The following ATP13A1 variants were observed in gnomAD, a reference collection of about 807,000 sequenced individuals.
ATP13A1 encodes ATPase 13A1, also known as endoplasmic reticulum transmembrane helix translocase.
A neutral mutation model predicts 134.8 loss-of-function variants in ATP13A1; 55 were observed. The ratio of observed to expected loss-of-function variants is 0.41; its 90% confidence interval spans 0.33 to 0.51. The LOEUF is 0.51. ATP13A1 is among the 20% of genes least tolerant of loss of function. ATP13A1 has a pLI of 0.29. For missense variants in ATP13A1, 1,389 were observed against 1,652.8 expected (o/e 0.84, Z 2.77); for synonymous variants, 775 against 725.1 (o/e 1.07, Z -1.10).
intron 3 of ATP13A1, 51 bp from the exon 4 acceptor site, chr19:19,657,459 T>G: frequency 1.3e-6 from 2 of 1,520,538 alleles, no homozygotes. Flanking sequence ...CTCTGGGGTA[T>G]GGAGTCTCCA....
In ATP13A1 at chr19:19,647,094, T is replaced by C. The variant is rs1173200588; in HGVS notation, c.3105+35A>G. ...TATCAGCCTGGCCCTGGCAGGCCCA[T>C]GCATCCCTGGCCTTCCAGCACCTCT... On this transcript the variant is annotated intron_variant, in intron 22 of 25. Transcript: ENST00000357324. The surrounding 1 kb of genome is among the most constrained non-coding windows in gnomAD (Gnocchi z 4.8). 18 of 1,583,068 alleles carry C rather than the reference T, an allele frequency of 1.1e-5. No individual in the cohort carries two copies. The highest frequency in any genetic ancestry group is 1.4e-5 in the Non-Finnish European group (16 of 1,163,630).
chr19:19,651,476 A>G, intron 17 of ATP13A1: 1 of 458,314 alleles, frequency 2.2e-6, no homozygotes. Context: ...ATGGTAAATA[A>G]ACACCTACAT....
chr19:19,658,523 G>C (rs927791734), intron 3 of ATP13A1, among the ~76,000 whole-genome samples: 1 of 152,198 alleles, frequency 6.6e-6, no homozygotes, highest in African/African-American at 2.4e-5. Flanking sequence ...GATAGTTGTA[G>C]TCAACATATT....
chr19:19,646,742 GC>G (rs1199265699), intron 22 of ATP13A1: 5 of 377,314 alleles, frequency 1.3e-5, no homozygotes, highest in Admixed American at 4.1e-5. Flanking sequence ...CTGGCCGCTG[GC>G]CCCCCTGGTT....
chr19:19,663,254 C>T lies in ATP13A1; in HGVS notation c.396+17G>A, dbSNP rs1290255050. On this transcript the variant is annotated intron_variant, in intron 1 of 25. Transcript: ENST00000357324. Reference sequence around the variant, plus strand: ...GCTCGACCGTGCTGGGGGTCGGGCTCGCGTGTACACACTTACCGGGGTGCA... The same window carrying T: ...GCTCGACCGTGCTGGGGGTCGGGCTTGCGTGTACACACTTACCGGGGTGCA... 1.3e-6 allele frequency: 2 copies of T among 1,567,930 alleles called. No individual in the cohort carries two copies. The highest frequency in any genetic ancestry group is 1.4e-5 in the African/African-American group (1 of 73,532).
Position 19,653,992 on chromosome 19 carries a change from C to A in ATP13A1, c.1966G>T (p.Ala656Ser). 1.9e-6 allele frequency: 3 copies of A among 1,597,344 alleles called. No individual in the cohort carries two copies. Among genetic ancestry groups the A allele is most frequent in the Non-Finnish European group, 2.6e-6 (3 of 1,172,464 alleles). The change falls in exon 14 of 26, where the codon GCC (alanine) becomes TCC (serine). Residue 656 changes from alanine (A) to serine (S), a missense_variant. By Grantham distance (99) the Ala-to-Ser change is moderately conservative. This residue lies in a region of ATP13A1 where 747 missense variants were observed against 956.1 expected (regional missense o/e 0.78). Transcript: ENST00000357324. The surrounding 1 kb of genome is among the most constrained non-coding windows in gnomAD (Gnocchi z 4.2). ...ACCATGGAGTGCAGAGTTTCGGGGG[C>A]CCCCTTCACGGCCGCGATGTAGCAG... ...DLCYIAAVKGAPETLHSMFSQ... is the reference protein window; with the variant it reads ...DLCYIAAVKGSPETLHSMFSQ...
chr19:19,655,450 G>A lies in ATP13A1; in HGVS notation c.1400C>T (p.Thr467Ile). Residue 467 changes from threonine (T) to isoleucine (I), a missense_variant, in exon 11 of 26, where the codon ACC (threonine) becomes ATC (isoleucine). Transcript: ENST00000357324. The surrounding 1 kb of genome is among the most constrained non-coding windows in gnomAD (Gnocchi z 5.7). ...AAAAYVWIEG[T>I]KDPSRNRYKL... ...GTAGCGGTTCCGGCTGGGGTCCTTG[G>A]TACCTGTGGAGACAGGGCCTGCCAA... is the stretch of plus-strand genomic sequence containing the variant. 6.2e-7 allele frequency: 1 copy of A among 1,613,970 alleles called. No individual in the cohort carries two copies. The highest frequency in any genetic ancestry group is 8.5e-7 in the Non-Finnish European group (1 of 1,179,882).
At chr19:19,649,996 A>T (rs924296635) in intron 17 of ATP13A1, 56 bp from the exon 18 acceptor site, 1 of 1,464,520 alleles carries the variant, frequency 6.8e-7, no homozygotes, top group East Asian at 2.5e-5. Context: ...GCTCAGAAGC[A>T]CCCTCCCTCC....
intron 1 of ATP13A1, among the ~76,000 whole-genome samples, chr19:19,660,886 C>G (rs985189095): frequency 2.6e-5 from 4 of 151,552 alleles, no homozygotes; most frequent in African/African-American, 9.7e-5. Flanking sequence ...TGAGACCAGC[C>G]TGGCCAATAT....
chr19:19,651,814 C>G lies in ATP13A1; in HGVS notation c.2227-17G>C. On this transcript the variant is annotated splice_polypyrimidine_tract_variant and intron_variant, in intron 16 of 25. Transcript: ENST00000357324. ...CATGACCACCTTGGGTAAAGAGGGG[C>G]AGAGGCTCAGCATGGCACCCTGGGG... 1 of 1,599,972 alleles carries G rather than the reference C, an allele frequency of 6.3e-7. No homozygotes were observed.
In ATP13A1 at chr19:19,647,523, G is replaced by A. The variant is rs781186582; in HGVS notation, c.2799C>T (p.Arg933=). 1.9e-6 allele frequency: 3 copies of A among 1,612,900 alleles called. No individual in the cohort carries two copies. Among genetic ancestry groups the A allele is most frequent in the Non-Finnish European group, 2.5e-6 (3 of 1,179,434 alleles). Residue 933 remains arginine (R), a synonymous_variant, in exon 21 of 26, where the codon CGC becomes CGT. Transcript: ENST00000357324. This position sits in a 1 kb window ranked among gnomAD's most constrained non-coding sequence, Gnocchi z 4.8. ...CGAGGTCTCGCAGCACCTGGCTCAGGCGGTCCTGCAGGGTAGACAGCAGGC... is the reference window on the plus strand; with the variant it reads ...CGAGGTCTCGCAGCACCTGGCTCAGACGGTCCTGCAGGGTAGACAGCAGGC... The part of the protein sequence containing the change: ...SEEQPTSQRD[R]LSQVLRDLED...
intron 19 of ATP13A1, among the ~76,000 whole-genome samples, chr19:19,648,590 T>C (rs1192329890): frequency 6.7e-6 from 1 of 148,450 alleles, no homozygotes; most frequent in Non-Finnish European, 1.5e-5. Context: ...AGGCGCATCA[T>C]CTGAAGTCAG....
chr19:19,658,179 G>A (rs906638061), intron 3 of ATP13A1, among the ~76,000 whole-genome samples: 4 of 144,458 alleles, frequency 2.8e-5, no homozygotes, highest in African/African-American at 5.1e-5. Context: ...AAAAAGGCTC[G>A]AGAATGCAAG....
rs528906308 is a variant in ATP13A1, at chr19:19,653,476, T to A, written c.2100+308A>T. On this transcript the variant is annotated intron_variant, in intron 15 of 25. Transcript: ENST00000357324. The surrounding 1 kb of genome is among the most constrained non-coding windows in gnomAD (Gnocchi z 4.2). ...GAGGGTGGGCTTTGTGGAGGATGGA[T>A]GGGTGAGAGGGCTGAGGATGCCACC... 93 of 415,280 alleles carry A rather than the reference T, an allele frequency of 2.2e-4. No individual in the cohort carries two copies. Among genetic ancestry groups the A allele is most frequent in the Non-Finnish European group, 3.7e-4 (85 of 230,414 alleles). 25.7% of individuals were successfully genotyped at this position (415,280 alleles called of 1,614,324 possible).
chr19:19,655,554 G>A lies in ATP13A1; in HGVS notation c.1370C>T (p.Ala457Val). 6 of 1,614,022 alleles carry A rather than the reference G, an allele frequency of 3.7e-6. No individual in the cohort carries two copies. Among genetic ancestry groups the A allele is most frequent in the Non-Finnish European group, 4.2e-6 (5 of 1,179,894 alleles). ...FILFLLVFAI[A>V]AAAYVWIEGT... The stretch of plus-strand genomic sequence containing the variant: ...TTCAATCCATACATAGGCAGCTGCA[G>A]CGATGGCAAACACCAGGAGGAAGAG... Residue 457 changes from alanine to valine, a missense_variant, in exon 10 of 26, where the codon GCT becomes GTT. Physicochemically the swap from Ala to Val is moderately conservative, Grantham distance 64. Around this residue, in one of 4 missense-constraint regions of ATP13A1, gnomAD observed 747 missense variants for 956.1 expected, o/e 0.78. Coordinates refer to ENST00000357324, the MANE Select transcript of ATP13A1 (RefSeq NM_020410.3). The surrounding 1 kb of genome is among the most constrained non-coding windows in gnomAD (Gnocchi z 5.7).
At chr19:19,646,568 C>A (rs926607924) in intron 22 of ATP13A1, 1 of 597,760 alleles carries the variant, frequency 1.7e-6, no homozygotes, top group Non-Finnish European at 2.9e-6. Flanking sequence ...GCCATCCAGG[C>A]TCCCCATGGC....
Position 19,655,621 on chromosome 19 carries a change from T to C in ATP13A1, c.1303A>G (p.Lys435Glu). 6.2e-7 allele frequency: 1 copy of C among 1,613,790 alleles called. No individual in the cohort carries two copies. The highest frequency in any genetic ancestry group is 8.5e-7 in the Non-Finnish European group (1 of 1,179,814). ...KLLRTILFGV[K>E]RVTANNLETF... is the part of the protein sequence containing the mutation. Reference sequence around the variant, plus strand: ...TCCAGGTTGTTCGCAGTCACCCTCTTGACCCCGAAGAGGATGGTGCGCAGC... The same window carrying C: ...TCCAGGTTGTTCGCAGTCACCCTCTCGACCCCGAAGAGGATGGTGCGCAGC... The change falls in exon 10 of 26, where the codon AAG (lysine) becomes GAG (glutamate). Residue 435 changes from lysine (K) to glutamate (E), a missense_variant. By Grantham distance (56) the Lys-to-Glu change is moderately conservative. This residue lies in a region of ATP13A1 where 747 missense variants were observed against 956.1 expected (regional missense o/e 0.78). Transcript: ENST00000357324. This position sits in a 1 kb window ranked among gnomAD's most constrained non-coding sequence, Gnocchi z 5.7.
intron 12 of ATP13A1, 125 bp downstream of exon 12, chr19:19,654,994 T>C (rs1345967879): frequency 7.0e-7 from 1 of 1,428,262 alleles, no homozygotes. Context: ...CCCCTGGAAA[T>C]GAACCCGAGG....
intron 1 of ATP13A1, chr19:19,662,013 GA>G (rs2062097950): frequency 1.3e-6 from 2 of 1,548,046 alleles, no homozygotes; most frequent in Admixed American, 2.0e-5. Context: ...ACAGAAGGGG[GA>G]AACTGAAACT....
Sources: gnomAD v4.1 joint callset for allele counts (sites outside exome capture counted in the v4.1 genomes callset) on GRCh38, gnomAD v4.1.1 for gene constraint, gnomAD v4.1.1 regional missense constraint, Gnocchi (gnomAD v3.1) non-coding constraint, MANE v1.5 for transcripts, NCBI Gene and HGNC (gene_info 2026-07-23, HGNC 2026-07-21) for gene names.